The following SPATA13 variants were observed in gnomAD, a reference collection of about 807,000 sequenced individuals.
SPATA13 encodes spermatogenesis associated 13, also known as spermatogenesis-associated protein 13.
Under a neutral mutation model 104.0 loss-of-function variants are expected in SPATA13, and 50 were observed. The ratio of observed to expected loss-of-function variants is 0.48; its 90% CI spans 0.38 to 0.61. SPATA13 has a LOEUF of 0.61. Among genes scored for constraint, SPATA13 ranks in the 20% least tolerant of loss-of-function variants. The pLI is 0.00. For synonymous variants in SPATA13, 606 were observed against 667.5 expected (o/e 0.91, Z 1.42); for missense variants, 1,524 against 1,690.6 (o/e 0.90, Z 1.73).
At chr13:24,123,724 A>G (rs1336244480) in intron 3 of SPATA13, 26 of 1,538,182 alleles carry the variant, frequency 1.7e-5, no homozygotes, top group Non-Finnish European at 2.2e-5. Flanking sequence ...TCTGTATAGC[A>G]CATCAGTGGA....
chr13:24,126,993 A>T (rs994921802), intron 3 of SPATA13, among the ~76,000 whole-genome samples: 1 of 152,228 alleles, frequency 6.6e-6, no homozygotes, highest in Non-Finnish European at 1.5e-5. Flanking sequence ...CACATTTGTT[A>T]TCTAATGTGT....
At chr13:24,268,855 A>G (rs994471664) in intron 4 of SPATA13, among the ~76,000 whole-genome samples, 3 of 152,192 alleles carry the variant, frequency 2.0e-5, no homozygotes. Flanking sequence ...AGTGCGGGTT[A>G]CTAAGGCTAT....
At position 24,286,915 on chromosome 13, in the gene SPATA13, C is replaced by T. The variant is rs199614790; in HGVS notation, c.2632C>T (p.Arg878Trp). Residue 878 changes from arginine to tryptophan, a missense_variant, in exon 7 of 13, where the codon CGG becomes TGG. By Grantham distance (101) the Arg-to-Trp change is moderately radical (BLOSUM62 -3). Around this residue, in one of 2 missense-constraint regions of SPATA13, gnomAD observed 435 missense variants for 554.8 expected, o/e 0.78. Coordinates refer to ENST00000382108, the MANE Select transcript of SPATA13 (RefSeq NM_001166271.3). The surrounding 1 kb of genome is among the most constrained non-coding windows in gnomAD (Gnocchi z 4.9). The part of the protein sequence containing the change: ...NVIREIMDTE[R>W]VYIKHLRDIC... ...CATCCGGGAGATCATGGACACCGAGCGGGTGTACATCAAACACCTCAGGGA... is the reference window on the plus strand; with the variant it reads ...CATCCGGGAGATCATGGACACCGAGTGGGTGTACATCAAACACCTCAGGGA... The T allele has an allele frequency of 1.6e-5, 26 of 1,613,740 alleles. No homozygotes were observed. The highest frequency in any genetic ancestry group is 1.9e-5 in the Non-Finnish European group (23 of 1,179,946).
chr13:24,071,067 A>T (rs2137765849), intron 3 of SPATA13, among the ~76,000 whole-genome samples: 1 of 152,320 alleles, frequency 6.6e-6, no homozygotes, highest in Non-Finnish European at 1.5e-5. Flanking sequence ...GAGAACCATG[A>T]TGAATGCACT....
At chr13:24,094,428 C>T (rs934297292) in intron 3 of SPATA13, among the ~76,000 whole-genome samples, 3 of 152,150 alleles carry the variant, frequency 2.0e-5, no homozygotes, top group East Asian at 3.8e-4. Flanking sequence ...ACTGTCCCAT[C>T]GCAAGATATC....
chr13:24,134,522 A>T (rs1293125157), intron 3 of SPATA13, among the ~76,000 whole-genome samples: 2 of 152,190 alleles, frequency 1.3e-5, no homozygotes, highest in African/African-American at 4.8e-5. Context: ...GGATTAGCAA[A>T]GCATCCCAAT....
chr13:24,200,561 A>G (rs6490885), intron 1 of SPATA13, among the ~76,000 whole-genome samples: 132,356 of 151,778 alleles, frequency 0.87, 59,993 homozygotes, highest in Non-Finnish European at 0.99. Flanking sequence ...GATTATCACC[A>G]CTTAACTCTT....
upstream of SPATA13, among the ~76,000 whole-genome samples, chr13:24,156,553 G>A (rs1882261878): frequency 6.6e-6 from 1 of 152,170 alleles, no homozygotes; most frequent in African/African-American, 2.4e-5. Context: ...AGATACTTAT[G>A]TGCTAAGATA....
intron 3 of SPATA13, among the ~76,000 whole-genome samples, chr13:24,154,602 A>G (rs975783014): frequency 6.6e-6 from 1 of 152,174 alleles, no homozygotes; most frequent in Non-Finnish European, 1.5e-5. Context: ...TTAGTTTTCT[A>G]TGATGTGGAA....
At chr13:24,251,384 C>A in intron 3 of SPATA13, 1 of 788,248 alleles carries the variant, frequency 1.3e-6, no homozygotes, top group Non-Finnish European at 1.5e-6. Context: ...CCCTTGTGAC[C>A]CTGCATCTGT....
Position 24,306,763 on chromosome 13 carries a change from C to A in SPATA13, c.*3990C>A, listed in dbSNP as rs1488773696. On this transcript the variant is annotated 3_prime_UTR_variant, in exon 13 of 13. Coordinates refer to ENST00000382108, the MANE Select transcript of SPATA13 (RefSeq NM_001166271.3). ...AGAAAATACTTTTAATCTTTCTAAT[C>A]TTTTTTTGTAAATATTAGTGTCCAT... 6.6e-6 allele frequency: 1 copy of A among 152,106 alleles called. No individual in the cohort carries two copies. The highest frequency in any genetic ancestry group is 1.5e-5 in the Non-Finnish European group (1 of 68,020). 9.4% of individuals were successfully genotyped at this position (152,106 alleles called of 1,614,324 possible).
In SPATA13 at chr13:24,100,985, A is replaced by G. The variant is rs541689126; in HGVS notation, c.-112+83284A>G. 2.0e-5 allele frequency among the ~76,000 whole-genome samples: 3 copies of G among 152,356 alleles called. No homozygotes were observed. In the East Asian group the frequency reaches 5.8e-4, roughly 29 times the overall value. On this transcript the variant is annotated intron_variant, in intron 3 of 14. Coordinates refer to the SPATA13 transcript ENST00000424834. ...AAAACTTCTATTTCATGTGACTGACAGTAGCACAGCATTATTCCTGGGAAT... is the reference window on the plus strand; with the variant it reads ...AAAACTTCTATTTCATGTGACTGACGGTAGCACAGCATTATTCCTGGGAAT...
intron 3 of SPATA13, among the ~76,000 whole-genome samples, chr13:24,068,218 CT>C (rs746519747): frequency 2.0e-5 from 3 of 152,108 alleles, no homozygotes; most frequent in Non-Finnish European, 4.4e-5. Context: ...TCCATGAGTT[CT>C]CCTGATTTAG....
intron 3 of SPATA13, among the ~76,000 whole-genome samples, chr13:24,019,777 A>G (rs1876892266): frequency 6.6e-6 from 1 of 152,202 alleles, no homozygotes; most frequent in Non-Finnish European, 1.5e-5. Context: ...CTGTAGAGCA[A>G]TGGGAGTCCA....
intron 4 of SPATA13, among the ~76,000 whole-genome samples, chr13:24,263,300 C>T (rs1439911190): frequency 6.6e-6 from 1 of 152,232 alleles, no homozygotes; most frequent in Non-Finnish European, 1.5e-5. Context: ...TGCGTGATAG[C>T]AGCGGAGCTC....
rs1454674036 is a variant in SPATA13 at position 24,189,853 on chromosome 13, T to A, written c.-112+28921T>A. Among the ~76,000 whole-genome samples, 38 of 45,802 alleles carry A rather than the reference T, an allele frequency of 8.3e-4. 10 individuals are homozygous for A. The highest frequency in any genetic ancestry group is 9.7e-4 in the South Asian group (1 of 1,026). The allele number at this position is 45,802 out of a possible 152,430, so 30.0% of individuals were successfully genotyped here. A position where few individuals can be genotyped will look rare whatever the true frequency, so the allele number is the denominator to read the frequency against. ...TAAAATGATATTTAATATATTATAT[T>A]AATATATCATATATAATATAATTAT... On this transcript the variant is annotated intron_variant, in intron 1 of 12. Coordinates refer to ENST00000382108, the MANE Select transcript of SPATA13 (RefSeq NM_001166271.3).
In SPATA13 at chr13:24,299,990, A is replaced by G. The variant is rs78104377; in HGVS notation, c.3584-411A>G. 3.5e-3 allele frequency among the ~76,000 whole-genome samples: 534 copies of G among 152,286 alleles called. 6 individuals carry two copies. The highest frequency in any genetic ancestry group is 0.012 in the African/African-American group (494 of 41,566). Reference sequence around the variant, plus strand: ...ACGTGGTACCTTTGTTCAGGGTGGAACTGCTAACGTGCAAAGCTCTCATAG... The same window carrying G: ...ACGTGGTACCTTTGTTCAGGGTGGAGCTGCTAACGTGCAAAGCTCTCATAG... On this transcript the variant is annotated intron_variant, in intron 11 of 12. Coordinates refer to ENST00000382108, the MANE Select transcript of SPATA13 (RefSeq NM_001166271.3).
At chr13:24,017,035 G>A (rs773012497) in intron 2 of SPATA13, among the ~76,000 whole-genome samples, 4 of 152,198 alleles carry the variant, frequency 2.6e-5, no homozygotes, top group East Asian at 1.9e-4. Context: ...AGTGAGGAGC[G>A]CCCGAAGTGT....
At chr13:24,035,395 C>G (rs1877640822) in intron 3 of SPATA13, among the ~76,000 whole-genome samples, 1 of 152,226 alleles carries the variant, frequency 6.6e-6, no homozygotes, top group South Asian at 2.1e-4. Context: ...GTTAAGTGAT[C>G]TGCTGTCTCG....
Sources: allele counts gnomAD v4.1 joint callset (sites outside exome capture counted in the v4.1 genomes callset), GRCh38; gene constraint gnomAD v4.1.1; regional missense constraint gnomAD v4.1.1; non-coding constraint Gnocchi (gnomAD v3.1); transcripts MANE v1.5; gene names NCBI Gene and HGNC (gene_info 2026-07-23, HGNC 2026-07-21).